The following RPS6KL1 variants were observed in gnomAD, a reference collection of about 807,000 sequenced individuals.
RPS6KL1 encodes the protein ribosomal protein S6 kinase like 1.
A neutral mutation model predicts 57.0 loss-of-function variants in RPS6KL1; 41 were observed. The ratio of observed to expected loss-of-function variants is 0.72; its 90% confidence interval spans 0.56 to 0.93. RPS6KL1 has a LOEUF of 0.93. RPS6KL1 is among the 40% of genes least tolerant of loss of function. The pLI is 0.00. For missense variants in RPS6KL1, 697 were observed against 727.7 expected, an observed-to-expected ratio of 0.96 and a Z score of 0.49; for synonymous variants, 287 against 309.7, an observed-to-expected ratio of 0.93 and a Z score of 0.77.
chr14:74,910,353 A>T, intron 7 of RPS6KL1: 1 of 421,536 alleles, frequency 2.4e-6, no homozygotes, highest in East Asian at 4.0e-5. Flanking sequence ...ACCCAACTAA[A>T]GTGGGCCCAG....
At chr14:74,911,980 C>G (rs1447249522) in intron 5 of RPS6KL1, 139 bp from the exon 6 acceptor site, 1 of 685,994 alleles carries the variant, frequency 1.5e-6, no homozygotes, top group Non-Finnish European at 2.6e-6. Context: ...GCTTTGGTGG[C>G]ACTCCTGAAG....
At position 74,911,265 on chromosome 14, in the gene RPS6KL1, T is replaced by A. The variant is rs763549521; in HGVS notation, c.647A>T (p.His216Leu). Residue 216 changes from histidine (H) to leucine (L), a missense_variant, in exon 7 of 12, where the codon CAC becomes CTC. By Grantham distance (99) the His-to-Leu change is moderately conservative. Transcript: ENST00000557413. ...CTGCTCACCTTGCACATGCTCCAGG[T>A]GCAGGAAGATGGAGTCCTCGCTCAC... ...YFVSEDSIFLHLEHVQGGTLW... is the reference protein window; with the variant it reads ...YFVSEDSIFLLLEHVQGGTLW... 6.2e-7 allele frequency: 1 copy of A among 1,612,390 alleles called. No individual in the cohort carries two copies. Among genetic ancestry groups the A allele is most frequent in the Non-Finnish European group, 8.5e-7 (1 of 1,179,970 alleles).
intron 5 of RPS6KL1, among the ~76,000 whole-genome samples, chr14:74,913,135 G>C (rs1886301091): frequency 6.6e-6 from 1 of 152,234 alleles, no homozygotes; most frequent in Non-Finnish European, 1.5e-5. Context: ...CACAGCTTGG[G>C]ATCAGGGTAG....
In RPS6KL1 at chr14:74,909,634, C is replaced by G; in HGVS notation, c.1179G>C (p.Ala393=). Residue 393 remains alanine (A), a synonymous_variant, in exon 8 of 12, where the codon GCG becomes GCC. Coordinates refer to ENST00000557413, the MANE Select transcript of RPS6KL1 (RefSeq NM_031464.5). The stretch of plus-strand genomic sequence containing the variant: ...CCTCCAGCGCTACCAGCATCTCTGC[C>G]GCCCACTGCTTCACCTGCTCCTCTC... The part of the protein sequence containing the change: ...SVREEQVKQW[A]AEMLVALEAL... The G allele has an allele frequency of 6.2e-7, 1 of 1,611,716 alleles. No individual in the cohort carries two copies. The highest frequency in any genetic ancestry group is 8.5e-7 in the Non-Finnish European group (1 of 1,179,960).
chr14:74,912,269 G>T lies in RPS6KL1; in HGVS notation c.484-428C>A, dbSNP rs113066917. ...CCGGGCCTTGGCTCACTGTGTGCGT[G>T]GTGGGCATGCGAGCAGAATGCCCTG... On this transcript the variant is annotated intron_variant, in intron 5 of 11. Coordinates refer to ENST00000557413, the MANE Select transcript of RPS6KL1 (RefSeq NM_031464.5). 1.1e-3 allele frequency among the ~76,000 whole-genome samples: 165 copies of T among 152,294 alleles called. 1 individual carries two copies. Among genetic ancestry groups the T allele is most frequent in the African/African-American group, 3.9e-3 (161 of 41,558 alleles).
At chr14:74,911,019 G>A (rs1313303940) in intron 7 of RPS6KL1, 7 of 435,448 alleles carry the variant, frequency 1.6e-5, no homozygotes, top group East Asian at 4.8e-5. Flanking sequence ...TTACAGGCAC[G>A]TGCAAGCACA....
chr14:74,922,479 G>T lies in RPS6KL1; in HGVS notation c.-522C>A. ...AGAGAGCAGAGCACAGAGCTGGGCT[G>T]TAAGAACTGTTGGCAGACGGAATGA... On this transcript the variant is annotated 5_prime_UTR_variant, in exon 2 of 12. Coordinates refer to ENST00000557413, the MANE Select transcript of RPS6KL1 (RefSeq NM_031464.5). 3.0e-6 allele frequency: 1 copy of T among 329,196 alleles called. No homozygotes were observed. Among genetic ancestry groups the T allele is most frequent in the African/African-American group, 2.2e-5 (1 of 45,306 alleles). The allele number at this position is 329,196 out of a possible 1,614,324, so 20.4% of individuals were successfully genotyped here.
chr14:74,921,256 CTGCCCAG>C lies in RPS6KL1; in HGVS notation c.265+14_265+20del. ...TGGCCCTTCCCCACCCACCCCAGCC[CTGCCCAG>C]CCCCGGTCCTCACCGTGTATGCCAC... On this transcript the variant is annotated intron_variant, in intron 3 of 11. Transcript: ENST00000557413. 6.8e-7 allele frequency: 1 copy of C among 1,464,582 alleles called. No individual in the cohort carries two copies. Among genetic ancestry groups the C allele is most frequent in the Non-Finnish European group, 9.5e-7 (1 of 1,052,142 alleles). The allele number at this position is 1,464,582 out of a possible 1,614,324, so 90.7% of individuals were successfully genotyped here.
chr14:74,915,182 C>A (rs1363335202), intron 5 of RPS6KL1, among the ~76,000 whole-genome samples: 1 of 152,184 alleles, frequency 6.6e-6, no homozygotes, highest in Non-Finnish European at 1.5e-5. Flanking sequence ...ACTGGTGCAA[C>A]TGAGACACAG....
Position 74,909,612 on chromosome 14 carries a change from C to T in RPS6KL1, c.1201G>A (p.Glu401Lys). 6.2e-7 allele frequency: 1 copy of T among 1,612,310 alleles called. No homozygotes were observed. Among genetic ancestry groups the T allele is most frequent in the East Asian group, 2.2e-5 (1 of 44,884 alleles). Residue 401 changes from glutamate (E) to lysine (K), a missense_variant, in exon 8 of 12, where the codon GAG becomes AAG. Transcript: ENST00000557413. ...QWAAEMLVAL[E>K]ALHEQGVLCR... is the part of the protein sequence containing the mutation. ...AGCACCCCCTGCTCGTGCAGCGCCT[C>T]CAGCGCTACCAGCATCTCTGCCGCC... is the stretch of plus-strand genomic sequence containing the variant.
At chr14:74,922,639 C>T (rs553760523) in intron 1 of RPS6KL1, among the ~76,000 whole-genome samples, 154 bp from the exon 2 acceptor site, 20 of 152,344 alleles carry the variant, frequency 1.3e-4, no homozygotes, top group Non-Finnish European at 2.8e-4. Flanking sequence ...CTGACAGCAG[C>T]TTCTTCCTGA....
rs779641640 is a variant in RPS6KL1, at chr14:74,909,093, C to A, written c.1360+8G>T. ...GCTAAGGCCCACCCTGGCCTCCCCC[C>A]TTCTTGCCTGGGGCGCTGTAGAGAT... On this transcript the variant is annotated splice_region_variant and intron_variant, in intron 9 of 11. Transcript: ENST00000557413. The A allele has an allele frequency of 2.0e-5, 33 of 1,613,894 alleles. 1 individual carries two copies. Among genetic ancestry groups the A allele is most frequent in the South Asian group, 1.1e-5 (1 of 91,090 alleles).
Position 74,911,270 on chromosome 14 carries a change from G to A in RPS6KL1, c.642C>T (p.Phe214=), listed in dbSNP as rs910439363. The change falls in exon 7 of 12, where the codon TTC becomes TTT. Residue 214 remains phenylalanine, a synonymous_variant. Transcript: ENST00000557413. ...LRYFVSEDSI[F]LHLEHVQGGT... is the part of the protein sequence containing the mutation. ...CACCTTGCACATGCTCCAGGTGCAG[G>A]AAGATGGAGTCCTCGCTCACAAAGT... 1.9e-6 allele frequency: 3 copies of A among 1,612,492 alleles called. No individual in the cohort carries two copies. Among genetic ancestry groups the A allele is most frequent in the Non-Finnish European group, 2.5e-6 (3 of 1,180,006 alleles).
chr14:74,909,044 C>T (rs1885414669), intron 9 of RPS6KL1, 57 bp downstream of exon 9: 3 of 1,591,260 alleles, frequency 1.9e-6, no homozygotes, highest in Non-Finnish European at 2.6e-6. Context: ...ACTCTGGGCA[C>T]AACCCACACA....
In RPS6KL1 at chr14:74,911,006, G is replaced by A. The variant is rs112096434; in HGVS notation, c.664+242C>T. 4.1e-4 allele frequency: 170 copies of A among 414,092 alleles called. 1 individual carries two copies. The highest frequency in any genetic ancestry group is 2.9e-3 in the African/African-American group (143 of 49,042). The allele number at this position is 414,092 out of a possible 1,614,324, so 25.7% of individuals were successfully genotyped here. ...CCTGCCTCCACCTCCCAAGTAGCTG[G>A]GATTACAGGCACGTGCAAGCACACC... On this transcript the variant is annotated intron_variant, in intron 7 of 11. Transcript: ENST00000557413.
chr14:74,912,157 C>T (rs555286347), intron 5 of RPS6KL1, among the ~76,000 whole-genome samples: 4 of 152,354 alleles, frequency 2.6e-5, no homozygotes, highest in African/African-American at 9.6e-5. Context: ...TCTAATCTGT[C>T]TCCCACTGGA....
At chr14:74,909,512 C>T (rs1429735960) in intron 8 of RPS6KL1, 31 bp downstream of exon 8, 1 of 1,550,480 alleles carries the variant, frequency 6.4e-7, no homozygotes. Context: ...CTTTGGGGGC[C>T]ACCCCACTGA....
Position 74,907,535 on chromosome 14 carries a change from G to A in RPS6KL1, c.1444-5C>T, listed in dbSNP as rs761968120. The A allele has an allele frequency of 1.9e-6, 3 of 1,566,992 alleles. No homozygotes were observed. Among genetic ancestry groups the A allele is most frequent in the Non-Finnish European group, 2.6e-6 (3 of 1,155,372 alleles). On this transcript the variant is annotated splice_region_variant and splice_polypyrimidine_tract_variant and intron_variant, in intron 10 of 11. Coordinates refer to ENST00000557413, the MANE Select transcript of RPS6KL1 (RefSeq NM_031464.5). ...AGGGTGGCTCTGGGACAGTGCCTGG[G>A]AGGACACAGGGAAGGGCCTCTGAGG...
chr14:74,912,671 C>G (rs1264036335), intron 5 of RPS6KL1, among the ~76,000 whole-genome samples: 4 of 148,504 alleles, frequency 2.7e-5, no homozygotes, highest in Non-Finnish European at 4.4e-5. Context: ...CACTCCACCC[C>G]CTTCATTTAC....
Sources: gnomAD v4.1 joint callset for allele counts (sites outside exome capture counted in the v4.1 genomes callset) on GRCh38, gnomAD v4.1.1 for gene constraint, MANE v1.5 for transcripts, NCBI Gene and HGNC (gene_info 2026-07-23, HGNC 2026-07-21) for gene names.